CLIP2: variants seen among roughly 807,000 people sequenced by gnomAD.
CLIP2 encodes the protein CAP-Gly domain-containing linker protein 2.
CLIP2 carries 41 observed loss-of-function variants against 111.7 expected under a neutral mutation model. That is an observed-to-expected ratio of 0.37 (90% CI 0.29 to 0.48). The LOEUF (loss-of-function observed/expected upper bound fraction) is 0.48. Among genes scored for constraint, CLIP2 ranks in the 20% least tolerant of loss-of-function variants. The pLI is 0.99. For synonymous variants in CLIP2, 660 were observed against 644.2 expected, an observed-to-expected ratio of 1.02 and a Z score of -0.37; for missense variants, 1,160 against 1,422.1, an observed-to-expected ratio of 0.82 and a Z score of 2.96.
chr7:74,390,764 G>A (rs1402053231), intron 13 of CLIP2, among the ~76,000 whole-genome samples: 10 of 138,452 alleles, frequency 7.2e-5, no homozygotes, highest in African/African-American at 2.3e-4. Context: ...GGGTGGGTGG[G>A]GGACTGGGCG....
intron 5 of CLIP2, 35 bp from the exon 6 acceptor site, chr7:74,357,245 C>A: frequency 6.2e-7 from 1 of 1,601,758 alleles, no homozygotes; most frequent in South Asian, 1.1e-5. Context: ...TGCTTCAGAT[C>A]CCTGAGACCC....
intron 3 of CLIP2, among the ~76,000 whole-genome samples, chr7:74,346,040 A>G (rs1373896351): frequency 1.3e-5 from 2 of 151,940 alleles, no homozygotes; most frequent in African/African-American, 4.8e-5. Context: ...GTGCAGTGGC[A>G]TGATCCTAGC....
rs560733795 is a variant in CLIP2, at chr7:74,338,360, C to T, written c.122-88C>T. Reference sequence around the variant, plus strand: ...CTACCCAAAAATACAAATCAGCCACCTCCCAACCCTAGACTCTGTGCTCCT... The same window carrying T: ...CTACCCAAAAATACAAATCAGCCACTTCCCAACCCTAGACTCTGTGCTCCT... On this transcript the variant is annotated intron_variant, in intron 2 of 16. Coordinates refer to ENST00000223398, the MANE Select transcript of CLIP2 (RefSeq NM_003388.5). The surrounding 1 kb of genome is among the most constrained non-coding windows in gnomAD (Gnocchi z 4.3). The T allele has an allele frequency of 6.4e-6, 9 of 1,401,558 alleles. No individual in the cohort carries two copies. The South Asian group carries it at 7.0e-5, about 11-fold the overall frequency. 86.8% of individuals were successfully genotyped at this position (1,401,558 alleles called of 1,614,324 possible). A position where few individuals can be genotyped will look rare whatever the true frequency, so the allele number is the denominator to read the frequency against.
chr7:74,318,330 A>C (rs201787186), intron 2 of CLIP2, among the ~76,000 whole-genome samples: 8 of 152,074 alleles, frequency 5.3e-5, no homozygotes, highest in African/African-American at 1.9e-4. Context: ...TTTTCATCCT[A>C]ATAATGAGAG....
At chr7:74,368,088 C>T (rs1790509530) in intron 8 of CLIP2, among the ~76,000 whole-genome samples, 1 of 152,090 alleles carries the variant, frequency 6.6e-6, no homozygotes, top group African/African-American at 2.4e-5. Flanking sequence ...TAATGCATGC[C>T]TATGGTCCCA....
chr7:74,352,488 G>C (rs962017902), intron 3 of CLIP2, among the ~76,000 whole-genome samples: 4 of 151,746 alleles, frequency 2.6e-5, no homozygotes, highest in Non-Finnish European at 5.9e-5. Context: ...ATCAAAGATA[G>C]TTATTTATAG....
chr7:74,367,187 T>A (rs1421611889), intron 8 of CLIP2, among the ~76,000 whole-genome samples: 5 of 152,006 alleles, frequency 3.3e-5, no homozygotes, highest in African/African-American at 9.7e-5. Context: ...TTATTTTGTT[T>A]AAAAAAAATT....
chr7:74,312,049 C>T (rs544013960), intron 1 of CLIP2, among the ~76,000 whole-genome samples: 1 of 151,978 alleles, frequency 6.6e-6, no homozygotes, highest in African/African-American at 2.4e-5. Flanking sequence ...AGTTCAAGAC[C>T]AGCCTGGCCA....
At chr7:74,334,327 C>T (rs868969334) in intron 2 of CLIP2, among the ~76,000 whole-genome samples, 13 of 152,176 alleles carry the variant, frequency 8.5e-5, no homozygotes, top group South Asian at 8.3e-4. Context: ...GCCATGGGCT[C>T]GTGGCTTGGA....
chr7:74,316,026 G>T (rs1788759345), intron 1 of CLIP2, among the ~76,000 whole-genome samples: 1 of 149,398 alleles, frequency 6.7e-6, no homozygotes. Context: ...TTTTCCTGAT[G>T]CTCTCCCTCC....
At chr7:74,352,037 A>G (rs1008798784) in intron 3 of CLIP2, among the ~76,000 whole-genome samples, 3 of 152,156 alleles carry the variant, frequency 2.0e-5, no homozygotes, top group Non-Finnish European at 4.4e-5. Context: ...CGGGAGAGAC[A>G]TCTTCAGAAA....
chr7:74,401,531 C>G lies in CLIP2; in HGVS notation c.3093C>G (p.Asn1031Lys). ...CCATCGGCAATTCCGGTTCTGCAAA[C>G]GGCATCCACCAGCAGGACAAAGCTC... Reference protein sequence around the residue: ...AQTIGNSGSANGIHQQDKAQK... With the variant: ...AQTIGNSGSAKGIHQQDKAQK... Residue 1031 changes from asparagine (N) to lysine (K), a missense_variant, in exon 16 of 17, where the codon AAC becomes AAG. Asn to Lys is a moderately conservative substitution (Grantham distance 94, BLOSUM62 0). Around this residue, in one of 5 missense-constraint regions of CLIP2, gnomAD observed 676 missense variants for 777.8 expected, o/e 0.87. Coordinates refer to ENST00000223398, the MANE Select transcript of CLIP2 (RefSeq NM_003388.5). 1 of 1,614,138 alleles carries G rather than the reference C, an allele frequency of 6.2e-7. No homozygotes were observed. Among genetic ancestry groups the G allele is most frequent in the Non-Finnish European group, 8.5e-7 (1 of 1,180,012 alleles).
Position 74,403,056 on chromosome 7 carries a change from CA to C in CLIP2, c.3130-768del, listed in dbSNP as rs1257300525. 8.8e-3 allele frequency among the ~76,000 whole-genome samples: 1,199 copies of C among 135,888 alleles called. 9 individuals carry two copies. Among genetic ancestry groups the C allele is most frequent in the African/African-American group, 0.025 (944 of 37,058 alleles). The allele number at this position is 135,888 out of a possible 152,430, so 89.1% of individuals were successfully genotyped here. On this transcript the variant is annotated intron_variant, in intron 16 of 16. Transcript: ENST00000223398. ...CGAAACCCCATCTCTACTAAAAATACAAAAAAAAAAAAATCATCTGGGTGTG... is the reference window on the plus strand; with the variant it reads ...CGAAACCCCATCTCTACTAAAAATACAAAAAAAAAAAATCATCTGGGTGTG...
At position 74,343,522 on chromosome 7, in the gene CLIP2, C is replaced by T. The variant is rs561991421; in HGVS notation, c.678+4518C>T. Among the ~76,000 whole-genome samples, 37 of 152,152 alleles carry T rather than the reference C, an allele frequency of 2.4e-4. No homozygotes were observed. The East Asian group carries it at 4.2e-3, about 17-fold the overall frequency. On this transcript the variant is annotated intron_variant, in intron 3 of 16. Coordinates refer to ENST00000223398, the MANE Select transcript of CLIP2 (RefSeq NM_003388.5). ...TCATTCATTCATTCATTCATTCATT[C>T]TCCATGTGTCTGTTCAGCAAAATGG...
At chr7:74,298,919 C>T (rs782041590) in intron 1 of CLIP2, among the ~76,000 whole-genome samples, 1 of 152,288 alleles carries the variant, frequency 6.6e-6, no homozygotes, top group African/African-American at 2.4e-5. Context: ...CGGCATGGCA[C>T]GTGCAAAAGC....
At chr7:74,397,534 A>G (rs1791490435) in intron 14 of CLIP2, among the ~76,000 whole-genome samples, 1 of 152,038 alleles carries the variant, frequency 6.6e-6, no homozygotes, top group Non-Finnish European at 1.5e-5. Context: ...CCCTGTTCAG[A>G]GGAGTAATCA....
intron 11 of CLIP2, among the ~76,000 whole-genome samples, chr7:74,383,755 G>T (rs1442484706): frequency 6.6e-6 from 1 of 152,052 alleles, no homozygotes; most frequent in Non-Finnish European, 1.5e-5. Flanking sequence ...CAGGAGAATT[G>T]CTTGAAGTCA....
intron 16 of CLIP2, among the ~76,000 whole-genome samples, chr7:74,403,158 G>T (rs1791667688): frequency 6.8e-6 from 1 of 147,924 alleles, no homozygotes; most frequent in Admixed American, 6.8e-5. Flanking sequence ...GGCAGAGGTT[G>T]CAGTGAGCCA....
chr7:74,295,743 G>A lies in CLIP2; in HGVS notation c.-68+6009G>A, dbSNP rs117229857. Among the ~76,000 whole-genome samples, 7 of 152,236 alleles carry A rather than the reference G, an allele frequency of 4.6e-5. 1 individual carries two copies. Among genetic ancestry groups the A allele is most frequent in the South Asian group, 4.2e-4 (2 of 4,818 alleles). On this transcript the variant is annotated intron_variant, in intron 1 of 16. Coordinates refer to ENST00000223398, the MANE Select transcript of CLIP2 (RefSeq NM_003388.5). ...AATTAGGCCAGGCATCAGGGCTCAC[G>A]CCTGTAATCCCAGCACTTTGGGAGG...
Sources: allele counts gnomAD v4.1 joint callset (sites outside exome capture counted in the v4.1 genomes callset), GRCh38; gene constraint gnomAD v4.1.1; regional missense constraint gnomAD v4.1.1; non-coding constraint Gnocchi (gnomAD v3.1); transcripts MANE v1.5; gene names NCBI Gene and HGNC (gene_info 2026-07-23, HGNC 2026-07-21).